Variants in ZNF106 observed in about 807,000 individuals in gnomAD.
ZNF106 encodes zinc finger protein 106.
ZNF106 carries 67 observed loss-of-function variants against 195.1 expected under a neutral mutation model. The observed-to-expected ratio is 0.34, with a 90% CI of 0.28 to 0.42. The LOEUF (loss-of-function observed/expected upper bound fraction) is 0.42. ZNF106 is among the 10% of genes least tolerant of loss of function. The pLI, the probability that ZNF106 is intolerant of heterozygous loss-of-function variation, is 1.00. For synonymous variants in ZNF106, 784 were observed against 818.6 expected (o/e 0.96, Z 0.72); for missense variants, 2,118 against 2,304.5 (o/e 0.92, Z 1.66).
chr15:42,461,572 C>T (rs2056392090), intron 3 of ZNF106, among the ~76,000 whole-genome samples: 1 of 152,178 alleles, frequency 6.6e-6, no homozygotes, highest in Non-Finnish European at 1.5e-5. Context: ...ACTTACGGCC[C>T]ACACATCTGA....
intron 2 of ZNF106, among the ~76,000 whole-genome samples, chr15:42,471,446 T>C (rs1471242351): frequency 6.6e-6 from 1 of 152,222 alleles, no homozygotes; most frequent in South Asian, 2.1e-4. Flanking sequence ...AAAAGATGTT[T>C]TGGCCGGGCA....
At chr15:42,419,218 A>T (rs2054567229) in intron 20 of ZNF106, among the ~76,000 whole-genome samples, 1 of 152,084 alleles carries the variant, frequency 6.6e-6, no homozygotes, top group South Asian at 2.1e-4. Flanking sequence ...AAATACAAAA[A>T]TCAGCCAGGC....
At chr15:42,453,949 A>G (rs997346460) in intron 4 of ZNF106, among the ~76,000 whole-genome samples, 6 of 152,220 alleles carry the variant, frequency 3.9e-5, no homozygotes, top group East Asian at 1.9e-4. Context: ...CTTGCCTAGA[A>G]TAAGATAGCC....
chr15:42,474,344 C>T (rs2056742650), intron 1 of ZNF106, among the ~76,000 whole-genome samples: 1 of 152,164 alleles, frequency 6.6e-6, no homozygotes, highest in South Asian at 2.1e-4. Context: ...ATAGTTCGGT[C>T]TAGCACTTAG....
At chr15:42,431,207 A>C (rs1417566436) in intron 14 of ZNF106, among the ~76,000 whole-genome samples, 1 of 151,978 alleles carries the variant, frequency 6.6e-6, no homozygotes, top group African/African-American at 2.4e-5. Flanking sequence ...TTGTGGTTAG[A>C]GAACATACTT....
chr15:42,430,720 T>C (rs886238012), intron 14 of ZNF106, among the ~76,000 whole-genome samples: 1 of 152,060 alleles, frequency 6.6e-6, no homozygotes, highest in African/African-American at 2.4e-5. Flanking sequence ...TTACAACATA[T>C]ACCAAACCTG....
chr15:42,450,528 T>C lies in ZNF106; in HGVS notation c.1744A>G (p.Thr582Ala). ...CTACTTGCTTTTGCATAGTTCCTGG[T>C]ACTTTTAGAAGTGCTAAGAAGTGGA... ...QNPLLSTSKS[T>A]RNYAKASRNV... The change falls in exon 5 of 22, where the codon ACC (threonine) becomes GCC (alanine). Residue 582 changes from threonine (T) to alanine (A), a missense_variant. Physicochemically the swap from Thr to Ala is moderately conservative, Grantham distance 58. Coordinates refer to ENST00000564754, the MANE Select transcript of ZNF106 (RefSeq NM_001366845.3). The C allele has an allele frequency of 6.2e-7, 1 of 1,614,210 alleles. No homozygotes were observed. Among genetic ancestry groups the C allele is most frequent in the South Asian group, 1.1e-5 (1 of 91,080 alleles).
chr15:42,461,496 A>C (rs2056390772), intron 3 of ZNF106, among the ~76,000 whole-genome samples: 1 of 152,174 alleles, frequency 6.6e-6, no homozygotes, highest in Admixed American at 6.5e-5. Context: ...TGCTCTAACT[A>C]CCCGACAACA....
At chr15:42,487,893 G>A (rs1439055411) in intron 1 of ZNF106, among the ~76,000 whole-genome samples, 5 of 151,994 alleles carry the variant, frequency 3.3e-5, no homozygotes, top group Admixed American at 6.6e-5. Context: ...GTTGTCCCTC[G>A]ATATCCATGG....
chr15:42,429,972 A>G (rs901507450), intron 14 of ZNF106, among the ~76,000 whole-genome samples: 2 of 152,058 alleles, frequency 1.3e-5, no homozygotes, highest in African/African-American at 4.8e-5. Context: ...GCTTTAGAAG[A>G]AGGTTATGCC....
chr15:42,449,966 A>C lies in ZNF106; in HGVS notation c.2306T>G (p.Leu769Arg), dbSNP rs539997228. The part of the protein sequence containing the change: ...ISLKSKTGVH[L>R]PEPNLNSARR... Reference sequence around the variant, plus strand: ...GGCACTATTGAGGTTTGGCTCAGGAAGGTGTACTCCAGTTTTGCTCTTCAA... The same window carrying C: ...GGCACTATTGAGGTTTGGCTCAGGACGGTGTACTCCAGTTTTGCTCTTCAA... The change falls in exon 5 of 22, where the codon CTT (leucine) becomes CGT (arginine). Residue 769 changes from leucine (L) to arginine (R), a missense_variant. Transcript: ENST00000564754. 6.2e-7 allele frequency: 1 copy of C among 1,614,210 alleles called. No individual in the cohort carries two copies. The highest frequency in any genetic ancestry group is 2.2e-5 in the East Asian group (1 of 44,882).
intron 16 of ZNF106, chr15:42,424,277 C>T (rs2054774148): frequency 1.7e-5 from 9 of 514,778 alleles, no homozygotes; most frequent in Non-Finnish European, 2.8e-5. Flanking sequence ...CGTTTGTTAC[C>T]TTTCCAGAAT....
rs1199756896 is a variant in ZNF106, at chr15:42,450,512, T to G, written c.1760A>C (p.Lys587Thr). The G allele has an allele frequency of 9.3e-6, 15 of 1,614,124 alleles. No individual in the cohort carries two copies. The highest frequency in any genetic ancestry group is 1.3e-5 in the African/African-American group (1 of 75,034). Residue 587 changes from lysine (K) to threonine (T), a missense_variant, in exon 5 of 22, where the codon AAA becomes ACA. Transcript: ENST00000564754. ...AGATTCTTCTACATTTCTACTTGCT[T>G]TTGCATAGTTCCTGGTACTTTTAGA... is the stretch of plus-strand genomic sequence containing the variant. ...STSKSTRNYA[K>T]ASRNVEESEK... is the part of the protein sequence containing the mutation.
At chr15:42,444,605 G>C (rs1048632718) in intron 8 of ZNF106, among the ~76,000 whole-genome samples, 3 of 152,182 alleles carry the variant, frequency 2.0e-5, no homozygotes, top group Non-Finnish European at 2.9e-5. Context: ...AGCCTACTCT[G>C]TAAGTAAGCT....
At chr15:42,441,545 G>T (rs1335697994) in intron 10 of ZNF106, among the ~76,000 whole-genome samples, 1 of 152,126 alleles carries the variant, frequency 6.6e-6, no homozygotes, top group Non-Finnish European at 1.5e-5. Context: ...TAGCTTAGAC[G>T]TATTCTCAAA....
chr15:42,437,361 T>C lies in ZNF106; in HGVS notation c.4617A>G (p.Pro1539=), dbSNP rs1273905106. Residue 1539 remains proline, a synonymous_variant, in exon 13 of 22, where the codon CCA becomes CCG. Coordinates refer to ENST00000564754, the MANE Select transcript of ZNF106 (RefSeq NM_001366845.3). ...SKNSSEISSE[P]GDDDEPTEGS... ...CTTCTGTGGGTTCATCATCATCTCCTGGCTCTGAAGATATTTCTGGAAAAC... is the reference window on the plus strand; with the variant it reads ...CTTCTGTGGGTTCATCATCATCTCCCGGCTCTGAAGATATTTCTGGAAAAC... The C allele has an allele frequency of 6.2e-7, 1 of 1,613,796 alleles. No individual in the cohort carries two copies. Among genetic ancestry groups the C allele is most frequent in the East Asian group, 2.2e-5 (1 of 44,874 alleles).
chr15:42,431,111 C>T (rs1240511639), intron 14 of ZNF106, among the ~76,000 whole-genome samples: 2 of 152,114 alleles, frequency 1.3e-5, no homozygotes, highest in South Asian at 2.1e-4. Context: ...CTTCTTTGAA[C>T]CACAATAATT....
At chr15:42,424,651 G>A (rs1271341233) in intron 16 of ZNF106, 183 bp downstream of exon 16, 6 of 578,966 alleles carry the variant, frequency 1.0e-5, no homozygotes, top group Non-Finnish European at 1.8e-5. Flanking sequence ...GCTAATTTTT[G>A]TATTTTTTTG....
chr15:42,421,816 C>T, intron 19 of ZNF106, 101 bp downstream of exon 19: 1 of 899,742 alleles, frequency 1.1e-6, no homozygotes, highest in Non-Finnish European at 1.6e-6. Context: ...AGGTACTTAA[C>T]AATGAGGCAT....
Sources: allele counts gnomAD v4.1 joint callset (sites outside exome capture counted in the v4.1 genomes callset), GRCh38; gene constraint gnomAD v4.1.1; transcripts MANE v1.5; gene names NCBI Gene and HGNC (gene_info 2026-07-23, HGNC 2026-07-21).